RPS6KA2: variants seen among roughly 807,000 people sequenced by gnomAD.
RPS6KA2 encodes ribosomal protein S6 kinase alpha-2.
A neutral mutation model predicts 91.8 loss-of-function variants in RPS6KA2; 42 were observed. The ratio of observed to expected loss-of-function variants is 0.46; its 90% CI spans 0.36 to 0.59. RPS6KA2 has a LOEUF of 0.59. Ranked by LOEUF, RPS6KA2 falls within the 20% of genes least tolerant of loss-of-function variation. The pLI is 0.00. For synonymous variants in RPS6KA2, 414 were observed against 393.6 expected, an observed-to-expected ratio of 1.05 and a Z score of -0.61; for missense variants, 798 against 978.5, an observed-to-expected ratio of 0.82 and a Z score of 2.46.
At chr6:166,703,741 G>A (rs1208748402) in intron 2 of RPS6KA2, among the ~76,000 whole-genome samples, 1 of 152,214 alleles carries the variant, frequency 6.6e-6, no homozygotes, top group Non-Finnish European at 1.5e-5. Context: ...AAGAATGCAA[G>A]GCTGCACTGA....
At chr6:166,731,549 C>G (rs1213421220) in intron 2 of RPS6KA2, among the ~76,000 whole-genome samples, 1 of 152,072 alleles carries the variant, frequency 6.6e-6, no homozygotes, top group Non-Finnish European at 1.5e-5. Context: ...CTTCAGAAAA[C>G]CCCTGATTCT....
At chr6:166,532,039 C>T (rs1488176389) in intron 2 of RPS6KA2, among the ~76,000 whole-genome samples, 1 of 152,086 alleles carries the variant, frequency 6.6e-6, no homozygotes, top group Non-Finnish European at 1.5e-5. Context: ...AAGTGTTTTC[C>T]AATAGATGCA....
At chr6:166,501,246 C>T (rs1049433809) in intron 6 of RPS6KA2, among the ~76,000 whole-genome samples, 2 of 152,220 alleles carry the variant, frequency 1.3e-5, no homozygotes, top group Admixed American at 1.3e-4. Context: ...GACTGCTGTG[C>T]GCAAAGCATA....
chr6:166,738,570 C>G (rs964756205), intron 2 of RPS6KA2, among the ~76,000 whole-genome samples: 2 of 152,180 alleles, frequency 1.3e-5, no homozygotes, highest in Non-Finnish European at 2.9e-5. Flanking sequence ...GCCTTTCAAG[C>G]CCGGCGTGTG....
chr6:166,601,660 A>C (rs1190368088), intron 1 of RPS6KA2, among the ~76,000 whole-genome samples: 1 of 152,246 alleles, frequency 6.6e-6, no homozygotes, highest in Non-Finnish European at 1.5e-5. Flanking sequence ...AAGGATGAAC[A>C]ACACAATAAG....
intron 13 of RPS6KA2, among the ~76,000 whole-genome samples, chr6:166,449,419 T>C (rs1299581703): frequency 6.6e-6 from 1 of 152,194 alleles, no homozygotes; most frequent in Non-Finnish European, 1.5e-5. Flanking sequence ...TCCAATGCCA[T>C]TCAACTTACC....
chr6:166,802,252 AGAGT>A (rs1169368018), intron 2 of RPS6KA2, among the ~76,000 whole-genome samples: 2 of 151,800 alleles, frequency 1.3e-5, no homozygotes, highest in African/African-American at 4.8e-5. Flanking sequence ...CCTGGGCAAC[AGAGT>A]GAGACTCCGT....
chr6:166,628,053 T>G (rs1449522091), upstream of RPS6KA2: 1 of 152,014 alleles, frequency 6.6e-6, no homozygotes, highest in East Asian at 1.9e-4. Context: ...GCATCCGCCC[T>G]CCGCAGCCGG....
At chr6:166,526,967 C>T (rs528610750) in intron 3 of RPS6KA2, among the ~76,000 whole-genome samples, 11 of 152,238 alleles carry the variant, frequency 7.2e-5, no homozygotes, top group Non-Finnish European at 1.3e-4. Context: ...TTATGTCCAG[C>T]CTATTCCACA....
In RPS6KA2 at chr6:166,733,871, C is replaced by T. The variant is rs1790600917; in HGVS notation, c.123+124329G>A. 6.6e-6 allele frequency among the ~76,000 whole-genome samples: 1 copy of T among 151,986 alleles called. No individual in the cohort carries two copies. Among genetic ancestry groups the T allele is most frequent in the Non-Finnish European group, 1.5e-5 (1 of 67,990 alleles). ...AGGTTTACAGGCTGAACAGAGTAAA[C>T]CAATAGAAAGAGAAATGGTAAAATG... On this transcript the variant is annotated intron_variant, in intron 2 of 21. Transcript: ENST00000503859. The surrounding 1 kb of genome is among the most constrained non-coding windows in gnomAD (Gnocchi z 4.1).
chr6:166,681,759 C>A (rs1286008256), intron 2 of RPS6KA2, among the ~76,000 whole-genome samples: 1 of 138,898 alleles, frequency 7.2e-6, no homozygotes, highest in Admixed American at 7.7e-5. Flanking sequence ...AAAGTCCTGT[C>A]TTGACCCTTG....
chr6:166,617,871 CT>C (rs1227224731), intron 1 of RPS6KA2, among the ~76,000 whole-genome samples: 1 of 152,256 alleles, frequency 6.6e-6, no homozygotes, highest in Non-Finnish European at 1.5e-5. Flanking sequence ...CGGCACCTTC[CT>C]TCTGCACAAG....
In RPS6KA2 at chr6:166,648,671, C is replaced by G. The variant is rs935123286; in HGVS notation, c.124-109887G>C. On this transcript the variant is annotated intron_variant, in intron 2 of 21. Transcript: ENST00000503859. The surrounding 1 kb of genome is among the most constrained non-coding windows in gnomAD (Gnocchi z 4.8). ...CTGCCCTCTCTCACTAGCTGGAATC[C>G]CGTCTCCAACTCTCTGCAGCCGACT... 6.6e-6 allele frequency among the ~76,000 whole-genome samples: 1 copy of G among 152,108 alleles called. No homozygotes were observed. The highest frequency in any genetic ancestry group is 2.4e-5 in the African/African-American group (1 of 41,398).
intron 2 of RPS6KA2, among the ~76,000 whole-genome samples, chr6:166,785,798 T>C (rs1295843239): frequency 6.6e-6 from 1 of 152,254 alleles, no homozygotes; most frequent in Non-Finnish European, 1.5e-5. Context: ...CGATCTTATT[T>C]ATATGAGACT....
At chr6:166,730,592 A>G (rs1394620993) in intron 2 of RPS6KA2, among the ~76,000 whole-genome samples, 1 of 152,224 alleles carries the variant, frequency 6.6e-6, no homozygotes, top group Non-Finnish European at 1.5e-5. Context: ...TCAAATTTTA[A>G]CCATGGCTAG....
intron 2 of RPS6KA2, chr6:166,702,265 C>A: frequency 6.2e-7 from 1 of 1,613,318 alleles, no homozygotes; most frequent in Non-Finnish European, 8.5e-7. Context: ...TCTGCTTGGA[C>A]ACGGATCCTG....
chr6:166,817,485 T>C (rs564833298), intron 2 of RPS6KA2, among the ~76,000 whole-genome samples: 70 of 152,218 alleles, frequency 4.6e-4, no homozygotes, highest in African/African-American at 1.6e-3. Context: ...TTAAAACCTG[T>C]CTGCTAGATA....
In RPS6KA2 at chr6:166,557,241, C is replaced by T. The variant is rs1457822057; in HGVS notation, c.100-18457G>A. ...CAGAGGCAGCTGCAGCCTGAGTGCG[C>T]AGAGGGTAGCTCCTGCCGGGGTGAG... On this transcript the variant is annotated intron_variant, in intron 1 of 20. Coordinates refer to ENST00000265678, the MANE Select transcript of RPS6KA2 (RefSeq NM_021135.6). The surrounding 1 kb of genome is among the most constrained non-coding windows in gnomAD (Gnocchi z 4.8). Among the ~76,000 whole-genome samples, 1 of 152,264 alleles carries T rather than the reference C, an allele frequency of 6.6e-6. No homozygotes were observed. The highest frequency in any genetic ancestry group is 1.5e-5 in the Non-Finnish European group (1 of 68,046).
chr6:166,730,387 T>A (rs1790476188), intron 2 of RPS6KA2, among the ~76,000 whole-genome samples: 1 of 152,238 alleles, frequency 6.6e-6, no homozygotes, highest in Non-Finnish European at 1.5e-5. Context: ...AAATATGTCA[T>A]CAGTCATAAT....
Sources: allele counts gnomAD v4.1 joint callset (sites outside exome capture counted in the v4.1 genomes callset), GRCh38; gene constraint gnomAD v4.1.1; non-coding constraint Gnocchi (gnomAD v3.1); transcripts MANE v1.5; gene names NCBI Gene and HGNC (gene_info 2026-07-23, HGNC 2026-07-21).